The following ZNF710 variants were observed in gnomAD, a reference collection of about 807,000 sequenced individuals.
ZNF710 encodes zinc finger protein 710.
In ZNF710, 13 loss-of-function variants were observed where a neutral mutation model predicts 50.6. The ratio of observed to expected loss-of-function variants is 0.26; its 90% CI spans 0.17 to 0.41. The LOEUF (loss-of-function observed/expected upper bound fraction) is 0.41. Ranked by LOEUF, ZNF710 falls within the 10% of genes least tolerant of loss-of-function variation. The pLI is 1.00. For missense variants in ZNF710, 721 were observed against 936.6 expected, an observed-to-expected ratio of 0.77 and a Z score of 3.01; for synonymous variants, 383 against 397.0, an observed-to-expected ratio of 0.96 and a Z score of 0.42.
chr15:90,032,459 G>A (rs1171677721), intron 1 of ZNF710, among the ~76,000 whole-genome samples: 1 of 152,098 alleles, frequency 6.6e-6, no homozygotes, highest in African/African-American at 2.4e-5. Flanking sequence ...AAAATTAAAT[G>A]GCCCCCAAAA....
chr15:90,077,109 G>C (rs1900608557), intron 4 of ZNF710, among the ~76,000 whole-genome samples: 1 of 152,160 alleles, frequency 6.6e-6, no homozygotes, highest in Non-Finnish European at 1.5e-5. Flanking sequence ...GTCATTTGGG[G>C]AGGTGGATCA....
chr15:90,070,679 G>A (rs1900348612), intron 2 of ZNF710, among the ~76,000 whole-genome samples: 1 of 151,944 alleles, frequency 6.6e-6, no homozygotes, highest in Admixed American at 6.6e-5. Flanking sequence ...AATTAGCCAG[G>A]CATGGTGGCA....
chr15:90,014,589 A>G (rs1328922060), intron 1 of ZNF710, among the ~76,000 whole-genome samples: 1 of 152,022 alleles, frequency 6.6e-6, no homozygotes, highest in African/African-American at 2.4e-5. Flanking sequence ...AAAAACGAAC[A>G]CATTAAAACA....
rs532850723 is a variant in ZNF710, at chr15:90,040,778, G to A, written c.-28-26332G>A. Among the ~76,000 whole-genome samples the A allele has an allele frequency of 1.4e-4, 22 of 152,098 alleles. No homozygotes were observed. Among genetic ancestry groups the A allele is most frequent in the Middle Eastern group, 3.4e-3 (1 of 294 alleles). On this transcript the variant is annotated intron_variant, in intron 1 of 4. Coordinates refer to ENST00000268154, the MANE Select transcript of ZNF710 (RefSeq NM_198526.4). This position sits in a 1 kb window ranked among gnomAD's most constrained non-coding sequence, Gnocchi z 4.6. ...TTACTTCCTCCTTCCTGTTATTTAC[G>A]TCCATGTTCTGAAATAATATGTTAC... is the stretch of plus-strand genomic sequence containing the variant.
chr15:90,040,486 A>C lies in ZNF710; in HGVS notation c.-28-26624A>C, dbSNP rs572544455. On this transcript the variant is annotated intron_variant, in intron 1 of 4. Coordinates refer to ENST00000268154, the MANE Select transcript of ZNF710 (RefSeq NM_198526.4). The surrounding 1 kb of genome is among the most constrained non-coding windows in gnomAD (Gnocchi z 4.6). ...CTTTCTTGAAGGAATTTCTGTTCTC[A>C]TCAGTTCATAAGCACAGTGCCCCTT... is the stretch of plus-strand genomic sequence containing the variant. 2.0e-5 allele frequency among the ~76,000 whole-genome samples: 3 copies of C among 152,168 alleles called. No individual in the cohort carries two copies. Among genetic ancestry groups the C allele is most frequent in the African/African-American group, 7.2e-5 (3 of 41,530 alleles).
intron 3 of ZNF710, among the ~76,000 whole-genome samples, chr15:90,073,814 C>T (rs955813587): frequency 1.3e-5 from 2 of 151,764 alleles, no homozygotes; most frequent in Non-Finnish European, 2.9e-5. Flanking sequence ...TGTGGTGAAA[C>T]CCCTTCTCTA....
chr15:90,010,045 T>G (rs1275168073), intron 1 of ZNF710, among the ~76,000 whole-genome samples: 1 of 152,170 alleles, frequency 6.6e-6, no homozygotes, highest in Non-Finnish European at 1.5e-5. Context: ...CTCTCTCATC[T>G]GTTTTTTTGT....
chr15:90,048,204 C>T (rs964421386), intron 1 of ZNF710, among the ~76,000 whole-genome samples: 1 of 152,260 alleles, frequency 6.6e-6, no homozygotes, highest in African/African-American at 2.4e-5. Context: ...AGGGAGCATC[C>T]CATGACTTCA....
chr15:90,009,563 C>G (rs1898243103), intron 1 of ZNF710, among the ~76,000 whole-genome samples: 1 of 152,032 alleles, frequency 6.6e-6, no homozygotes, highest in South Asian at 2.1e-4. Context: ...CTTCCCTGGT[C>G]CATTCCCCAT....
intron 2 of ZNF710, among the ~76,000 whole-genome samples, chr15:90,071,390 C>T (rs561554042): frequency 1.3e-5 from 2 of 152,176 alleles, no homozygotes; most frequent in African/African-American, 4.8e-5. Context: ...ATGTGCACAT[C>T]ATGTGTTTAT....
chr15:90,079,944 A>G lies in ZNF710; in HGVS notation c.*115A>G. On this transcript the variant is annotated 3_prime_UTR_variant, in exon 5 of 5. Coordinates refer to ENST00000268154, the MANE Select transcript of ZNF710 (RefSeq NM_198526.4). ...AACAAGCTACTGCCCCACTGTTCTG[A>G]GCCCTCCCTCCCCGAGTCATTTGCA... 3.9e-6 allele frequency: 4 copies of G among 1,028,450 alleles called. No individual in the cohort carries two copies. In the South Asian group the frequency reaches 7.6e-5, roughly 20 times the overall value. 63.7% of individuals were successfully genotyped at this position (1,028,450 alleles called of 1,614,324 possible). A position where few individuals can be genotyped will look rare whatever the true frequency, so the allele number is the denominator to read the frequency against.
At chr15:90,009,262 A>G (rs748254429) in intron 1 of ZNF710, among the ~76,000 whole-genome samples, 1 of 152,060 alleles carries the variant, frequency 6.6e-6, no homozygotes, top group Non-Finnish European at 1.5e-5. Context: ...TGTCCTCGCA[A>G]GGACCAAGTC....
At chr15:90,058,083 G>A (rs1399567327) in intron 1 of ZNF710, among the ~76,000 whole-genome samples, 1 of 152,154 alleles carries the variant, frequency 6.6e-6, no homozygotes, top group African/African-American at 2.4e-5. Context: ...CCCAGGTCAG[G>A]TGTAGGTGCA....
intron 1 of ZNF710, among the ~76,000 whole-genome samples, chr15:90,008,692 G>T (rs1221986126): frequency 6.6e-6 from 1 of 150,966 alleles, no homozygotes; most frequent in African/African-American, 2.4e-5. Context: ...GAGGTGGGAG[G>T]ATCGCTTGAG....
At position 90,074,231 on chromosome 15, in the gene ZNF710, A is replaced by G; in HGVS notation, c.1766A>G (p.Asn589Ser). ...YCSSKFNLKG[N>S]LSRHMKVKHG... Reference sequence around the variant, plus strand: ...TCCAGCAAGTTTAATCTCAAGGGCAACCTGAGCCGGCACATGAAGGTCAAG... The same window carrying G: ...TCCAGCAAGTTTAATCTCAAGGGCAGCCTGAGCCGGCACATGAAGGTCAAG... Residue 589 changes from asparagine (N) to serine (S), a missense_variant, in exon 4 of 5, where the codon AAC becomes AGC. Asn to Ser is a conservative substitution (Grantham distance 46, BLOSUM62 1). Transcript: ENST00000268154. 6.2e-7 allele frequency: 1 copy of G among 1,613,462 alleles called. No homozygotes were observed. Among genetic ancestry groups the G allele is most frequent in the Non-Finnish European group, 8.5e-7 (1 of 1,179,782 alleles).
intron 1 of ZNF710, among the ~76,000 whole-genome samples, chr15:90,066,694 C>T (rs1191011329): frequency 1.3e-5 from 2 of 152,044 alleles, no homozygotes; most frequent in African/African-American, 2.4e-5. Flanking sequence ...AGGCTGGTCT[C>T]AAACTCCTGC....
At chr15:90,063,973 T>C (rs1322105776) in intron 1 of ZNF710, among the ~76,000 whole-genome samples, 5 of 152,202 alleles carry the variant, frequency 3.3e-5, no homozygotes, top group Non-Finnish European at 7.3e-5. Context: ...GTCACACGGC[T>C]AGTAGACGGC....
intron 1 of ZNF710, among the ~76,000 whole-genome samples, chr15:90,018,329 C>G (rs1196665178): frequency 6.6e-6 from 1 of 152,186 alleles, no homozygotes; most frequent in African/African-American, 2.4e-5. Context: ...CCACCACACC[C>G]AGCTACTTTT....
At chr15:90,000,410 G>T (rs540735714), upstream of ZNF710, among the ~76,000 whole-genome samples, 200 of 152,222 alleles carry the variant, frequency 1.3e-3, 1 homozygote, top group African/African-American at 4.6e-3. Flanking sequence ...GCCCCTCAGG[G>T]AGCCGAGAGG....
Sources: gnomAD v4.1 joint callset for allele counts (sites outside exome capture counted in the v4.1 genomes callset) on GRCh38, gnomAD v4.1.1 for gene constraint, Gnocchi (gnomAD v3.1) non-coding constraint, MANE v1.5 for transcripts, NCBI Gene and HGNC (gene_info 2026-07-23, HGNC 2026-07-21) for gene names.